SPIRE1: variants seen among roughly 807,000 people sequenced by gnomAD.
The protein encoded by SPIRE1 is protein spire homolog 1.
A neutral mutation model predicts 94.1 loss-of-function variants in SPIRE1; 40 were observed. The observed-to-expected ratio is 0.43, with a 90% confidence interval of 0.33 to 0.55. SPIRE1 has a LOEUF of 0.55. Ranked by LOEUF, SPIRE1 falls within the 20% of genes least tolerant of loss-of-function variation. SPIRE1 has a pLI of 0.06. For missense variants in SPIRE1, 838 were observed against 975.2 expected (o/e 0.86, Z 1.87); for synonymous variants, 376 against 371.7 (o/e 1.01, Z -0.13).
intron 4 of SPIRE1, among the ~76,000 whole-genome samples, chr18:12,526,817 C>T (rs1429267982): frequency 6.6e-6 from 1 of 151,896 alleles, no homozygotes; most frequent in Admixed American, 6.6e-5. Flanking sequence ...CCAAGCAATT[C>T]TCCTGCCTCA....
chr18:12,629,311 T>C (rs1415606499), intron 2 of SPIRE1, among the ~76,000 whole-genome samples: 1 of 152,244 alleles, frequency 6.6e-6, no homozygotes, highest in African/African-American at 2.4e-5. Context: ...AGTTCTGTTT[T>C]AGCATTTTCA....
At chr18:12,555,185 A>T (rs1473172372) in intron 2 of SPIRE1, among the ~76,000 whole-genome samples, 1 of 152,098 alleles carries the variant, frequency 6.6e-6, no homozygotes, top group East Asian at 1.9e-4. Context: ...ACCCAATTAA[A>T]GCCTTCTCCC....
chr18:12,628,331 T>C (rs988603831), intron 2 of SPIRE1, among the ~76,000 whole-genome samples: 1 of 152,216 alleles, frequency 6.6e-6, no homozygotes, highest in Non-Finnish European at 1.5e-5. Context: ...CTTGTTTTTG[T>C]CAGGTTTGTC....
At chr18:12,529,925 C>T (rs550719521) in intron 4 of SPIRE1, among the ~76,000 whole-genome samples, 10 of 152,082 alleles carry the variant, frequency 6.6e-5, no homozygotes, top group East Asian at 5.8e-4. Context: ...TACTGTATTA[C>T]GAATTTATTC....
At chr18:12,547,415 C>A (rs967762923) in intron 2 of SPIRE1, among the ~76,000 whole-genome samples, 6 of 152,046 alleles carry the variant, frequency 3.9e-5, no homozygotes, top group African/African-American at 1.2e-4. Context: ...CACAGATAAC[C>A]CTCCCTACCA....
intron 2 of SPIRE1, among the ~76,000 whole-genome samples, chr18:12,585,134 C>T (rs1286374174): frequency 6.6e-6 from 1 of 152,000 alleles, no homozygotes; most frequent in Non-Finnish European, 1.5e-5. Context: ...AACACCTCCT[C>T]CCAAAAAAAC....
chr18:12,591,204 G>A (rs529450613), intron 2 of SPIRE1, among the ~76,000 whole-genome samples: 7 of 152,200 alleles, frequency 4.6e-5, no homozygotes, highest in African/African-American at 1.7e-4. Flanking sequence ...AAGGAGGTGA[G>A]AGGCTAAGTA....
At chr18:12,535,741 G>A (rs536077278) in intron 3 of SPIRE1, 140 bp from the exon 4 acceptor site, 10 of 638,546 alleles carry the variant, frequency 1.6e-5, no homozygotes, top group African/African-American at 9.2e-5. Context: ...CAGATCATGA[G>A]GTCGAGAGTT....
At chr18:12,649,925 T>C (rs551894904) in intron 1 of SPIRE1, among the ~76,000 whole-genome samples, 17 of 152,294 alleles carry the variant, frequency 1.1e-4, no homozygotes, top group Non-Finnish European at 2.1e-4. Flanking sequence ...TAGAAATATA[T>C]TGCATGGTAA....
In SPIRE1 at chr18:12,463,350, C is replaced by G; in HGVS notation, c.1638+1G>C. ...TACTACAAAGTCTTTCCTGTACTTA[C>G]AAGAGAGCGGGAACTCTGCCTGGAA... On this transcript the variant is annotated splice_donor_variant, in intron 12 of 16. Transcript: ENST00000409402. LOFTEE classifies it high-confidence loss of function. The G allele has an allele frequency of 6.2e-7, 1 of 1,611,774 alleles. No individual in the cohort carries two copies. Among genetic ancestry groups the G allele is most frequent in the Non-Finnish European group, 8.5e-7 (1 of 1,178,730 alleles).
chr18:12,531,857 G>C (rs74417754), intron 4 of SPIRE1, among the ~76,000 whole-genome samples: 1 of 152,194 alleles, frequency 6.6e-6, no homozygotes, highest in East Asian at 1.9e-4. Flanking sequence ...TTTTACAATT[G>C]AAACTGCCCC....
At chr18:12,597,938 G>A (rs1383321387) in intron 2 of SPIRE1, among the ~76,000 whole-genome samples, 1 of 152,172 alleles carries the variant, frequency 6.6e-6, no homozygotes, top group African/African-American at 2.4e-5. Context: ...AAACTGCAGC[G>A]AAGGTGTGGG....
intron 2 of SPIRE1, among the ~76,000 whole-genome samples, chr18:12,624,789 G>A (rs574707396): frequency 2.7e-4 from 37 of 138,686 alleles, no homozygotes; most frequent in Non-Finnish European, 5.2e-4. Context: ...CCGAGATCAC[G>A]CCACTGCACT....
chr18:12,498,346 AATAAG>A (rs2033534975), intron 6 of SPIRE1, among the ~76,000 whole-genome samples: 1 of 152,202 alleles, frequency 6.6e-6, no homozygotes, highest in South Asian at 2.1e-4. Context: ...TGCTTAAATA[AATAAG>A]ATCAGTTATA....
At chr18:12,614,674 C>T (rs1048391094) in intron 2 of SPIRE1, among the ~76,000 whole-genome samples, 22 of 151,660 alleles carry the variant, frequency 1.5e-4, no homozygotes, top group Middle Eastern at 3.4e-3. Context: ...GAAAAGTAGC[C>T]GGGCACGGTC....
At chr18:12,563,535 C>T (rs1009759547) in intron 2 of SPIRE1, among the ~76,000 whole-genome samples, 4 of 151,972 alleles carry the variant, frequency 2.6e-5, no homozygotes, top group African/African-American at 9.7e-5. Context: ...TGAGATATTC[C>T]AATTATTCAT....
At chr18:12,503,334 G>A (rs534035109) in intron 6 of SPIRE1, among the ~76,000 whole-genome samples, 3 of 152,156 alleles carry the variant, frequency 2.0e-5, no homozygotes, top group Admixed American at 6.5e-5. Context: ...GCGCGCATCC[G>A]ACCTCTCTGA....
At chr18:12,489,398 C>G (rs989230973) in intron 8 of SPIRE1, among the ~76,000 whole-genome samples, 2 of 152,156 alleles carry the variant, frequency 1.3e-5, no homozygotes, top group African/African-American at 4.8e-5. Flanking sequence ...TTATTCTGCT[C>G]TTTTTTTCTC....
Position 12,447,865 on chromosome 18 carries a change from G to A in SPIRE1, c.*1773C>T, listed in dbSNP as rs2031022093. On this transcript the variant is annotated 3_prime_UTR_variant, in exon 17 of 17. Coordinates refer to ENST00000409402, the MANE Select transcript of SPIRE1 (RefSeq NM_001128626.2). ...TTTCCTTCCCCCTTGTGCCCTTCTG[G>A]GTAGTCATTTTAAAAACTCAAGCCT... 1 of 152,042 alleles carries A rather than the reference G, an allele frequency of 6.6e-6. No homozygotes were observed. The highest frequency in any genetic ancestry group is 1.5e-5 in the Non-Finnish European group (1 of 68,008). The allele number at this position is 152,042 out of a possible 1,614,324, so 9.4% of individuals were successfully genotyped here.
Sources: gnomAD v4.1 joint callset for allele counts (sites outside exome capture counted in the v4.1 genomes callset) on GRCh38, gnomAD v4.1.1 for gene constraint, MANE v1.5 for transcripts, NCBI Gene and HGNC (gene_info 2026-07-23, HGNC 2026-07-21) for gene names.